The following HIVEP3 variants were observed in gnomAD, a reference collection of about 807,000 sequenced individuals.
The protein encoded by HIVEP3 is HIVEP zinc finger 3.
In HIVEP3, 49 loss-of-function variants were observed where a neutral mutation model predicts 152.8. That is an observed-to-expected ratio of 0.32 (90% CI 0.26 to 0.41). The LOEUF (loss-of-function observed/expected upper bound fraction) is 0.41, where lower values mean the gene tolerates loss of function less well. Among genes scored for constraint, HIVEP3 ranks in the 10% least tolerant of loss-of-function variants. The pLI, the probability that HIVEP3 is intolerant of heterozygous loss-of-function variation, is 1.00. For missense variants in HIVEP3, 2,790 were observed against 3,103.3 expected, an observed-to-expected ratio of 0.90 and a Z score of 2.40; for synonymous variants, 1,269 against 1,289.0, an observed-to-expected ratio of 0.98 and a Z score of 0.33.
At chr1:41,624,865 T>A (rs376626857) in intron 3 of HIVEP3, among the ~76,000 whole-genome samples, 2 of 152,202 alleles carry the variant, frequency 1.3e-5, no homozygotes, top group East Asian at 3.8e-4. Flanking sequence ...ATGTTATGGA[T>A]GTTGATTTAG....
intron 5 of HIVEP3, among the ~76,000 whole-genome samples, chr1:41,571,616 T>A (rs1319312428): frequency 6.6e-6 from 1 of 152,144 alleles, no homozygotes; most frequent in East Asian, 1.9e-4. Flanking sequence ...CAGAAATGGA[T>A]CTTAGCACCA....
At chr1:41,651,411 C>CAA (rs35508121) in intron 2 of HIVEP3, among the ~76,000 whole-genome samples, 61 of 88,892 alleles carry the variant, frequency 6.9e-4, no homozygotes, top group Admixed American at 3.8e-3. Context: ...AACTCCATCT[C>CAA]AAAAAAAAAA....
At chr1:41,516,052 G>A (rs1478986056) in intron 7 of HIVEP3, among the ~76,000 whole-genome samples, 2 of 152,198 alleles carry the variant, frequency 1.3e-5, no homozygotes, top group East Asian at 1.9e-4. Context: ...AGACCCAGTG[G>A]GGGTAATGGC....
intron 5 of HIVEP3, among the ~76,000 whole-genome samples, chr1:41,558,666 G>A (rs898314005): frequency 9.2e-5 from 14 of 152,274 alleles, no homozygotes; most frequent in African/African-American, 2.4e-4. Context: ...AGCTTCCCTC[G>A]GCCTCCAGGC....
At position 41,777,482 on chromosome 1, in the gene HIVEP3, C is replaced by G. The variant is rs137966888; in HGVS notation, c.-800-76487G>C. Among the ~76,000 whole-genome samples the G allele has an allele frequency of 3.3e-5, 5 of 152,330 alleles. No individual in the cohort carries two copies. In the East Asian group the frequency reaches 9.6e-4, roughly 29 times the overall value. On this transcript the variant is annotated intron_variant, in intron 1 of 8. Transcript: ENST00000372583. The stretch of plus-strand genomic sequence containing the variant: ...CAGAGGCACAGGCCCTCTTTCAAAC[C>G]CCCAAACCCACCACCCAGTGAAGCC...
At chr1:41,834,916 A>G (rs1643078158) in intron 1 of HIVEP3, among the ~76,000 whole-genome samples, 1 of 152,178 alleles carries the variant, frequency 6.6e-6, no homozygotes, top group East Asian at 1.9e-4. Context: ...GCTTGGGGAC[A>G]GGAGAGCAGT....
rs1207644760 is a variant in HIVEP3 at position 41,895,590 on chromosome 1, T to C, written c.-801+22823A>G. ...TTTCAGACTAAATAAATATTTATCT[T>C]TTTTGAAATTACTTAAAGATTGCAA... On this transcript the variant is annotated intron_variant, in intron 1 of 8. Transcript: ENST00000372583. 2.0e-5 allele frequency among the ~76,000 whole-genome samples: 3 copies of C among 152,160 alleles called. No homozygotes were observed. In the East Asian group the frequency reaches 5.8e-4, roughly 29 times the overall value.
intron 1 of HIVEP3, among the ~76,000 whole-genome samples, chr1:41,744,510 T>C (rs1647042717): frequency 6.6e-6 from 1 of 152,264 alleles, no homozygotes; most frequent in South Asian, 2.1e-4. Context: ...TAGGAGTTTA[T>C]GTCAAATGGG....
At chr1:41,576,829 CCAT>C (rs1247040955) in intron 4 of HIVEP3, among the ~76,000 whole-genome samples, 3 of 152,176 alleles carry the variant, frequency 2.0e-5, no homozygotes, top group Non-Finnish European at 4.4e-5. Context: ...GGGATTTAGA[CCAT>C]CTTGAAGATC....
chr1:41,896,741 A>G (rs975291455), intron 1 of HIVEP3, among the ~76,000 whole-genome samples: 6 of 151,860 alleles, frequency 4.0e-5, no homozygotes, highest in African/African-American at 1.5e-4. Context: ...CACCCGGCTA[A>G]TTTTTTGTAT....
intron 1 of HIVEP3, among the ~76,000 whole-genome samples, chr1:41,774,878 C>A (rs1558258416): frequency 6.6e-6 from 1 of 151,962 alleles, no homozygotes. Context: ...TCACTGCAGC[C>A]TCGATCTCCT....
At chr1:41,963,773 T>C (rs1456504904) in intron 1 of HIVEP3, among the ~76,000 whole-genome samples, 1 of 152,170 alleles carries the variant, frequency 6.6e-6, no homozygotes, top group Non-Finnish European at 1.5e-5. Flanking sequence ...GTCTTTGGGA[T>C]GTAAGCAGAT....
chr1:41,619,018 C>T (rs1259683504), intron 3 of HIVEP3, among the ~76,000 whole-genome samples: 2 of 152,282 alleles, frequency 1.3e-5, no homozygotes, highest in East Asian at 3.9e-4. Flanking sequence ...TGCCCCCGCC[C>T]CCTCCAGGGC....
At chr1:41,807,207 T>G (rs749245876) in intron 1 of HIVEP3, among the ~76,000 whole-genome samples, 2 of 152,210 alleles carry the variant, frequency 1.3e-5, no homozygotes, top group Non-Finnish European at 2.9e-5. Context: ...AGGGCCGGCA[T>G]GCCCCCTCCT....
chr1:41,980,590 G>T (rs1300658894), intron 1 of HIVEP3, among the ~76,000 whole-genome samples: 1 of 152,202 alleles, frequency 6.6e-6, no homozygotes, highest in Admixed American at 6.5e-5. Flanking sequence ...ATCTTTTGGG[G>T]ATGACGGAAA....
At chr1:41,888,202 ATT>A (rs61561436) in intron 1 of HIVEP3, among the ~76,000 whole-genome samples, 1,796 of 99,230 alleles carry the variant, frequency 0.018, 25 homozygotes, top group African/African-American at 0.056. Flanking sequence ...CGCCCGGCTA[ATT>A]TTTTTTTTTT....
intron 1 of HIVEP3, among the ~76,000 whole-genome samples, chr1:41,924,489 A>G (rs919267441): frequency 2.0e-5 from 3 of 152,140 alleles, no homozygotes; most frequent in Non-Finnish European, 4.4e-5. Context: ...TAAATTATTT[A>G]TATATCTTAC....
chr1:41,607,582 AT>A (rs755702176), intron 3 of HIVEP3, among the ~76,000 whole-genome samples: 1 of 152,122 alleles, frequency 6.6e-6, no homozygotes, highest in East Asian at 1.9e-4. Context: ...TTCCTTTGAA[AT>A]AAGCTCTTCC....
chr1:41,745,844 C>T (rs944968807), intron 1 of HIVEP3, among the ~76,000 whole-genome samples: 3 of 152,216 alleles, frequency 2.0e-5, no homozygotes, highest in Admixed American at 1.3e-4. Context: ...AAAGCAGATG[C>T]GGCTGTTTCA....
Sources: gnomAD v4.1 joint callset for allele counts (sites outside exome capture counted in the v4.1 genomes callset) on GRCh38, gnomAD v4.1.1 for gene constraint, MANE v1.5 for transcripts, NCBI Gene and HGNC (gene_info 2026-07-23, HGNC 2026-07-21) for gene names.